Variants in CFAP77 observed in about 807,000 individuals in gnomAD.
The protein encoded by CFAP77 is cilia and flagella associated protein 77, also known as cilia- and flagella-associated protein 77.
In CFAP77, 25 loss-of-function variants were observed where a neutral mutation model predicts 31.1. The ratio of observed to expected loss-of-function variants is 0.80; its 90% CI spans 0.59 to 1.12. The LOEUF (loss-of-function observed/expected upper bound fraction) is 1.12, where lower values mean the gene tolerates loss of function less well. Among genes scored for constraint, CFAP77 ranks in the 50% most tolerant of loss-of-function variants. CFAP77 has a pLI of 0.00. For missense variants in CFAP77, 377 were observed against 397.3 expected (o/e 0.95, Z 0.44); for synonymous variants, 151 against 159.9 (o/e 0.94, Z 0.42).
At chr9:132,556,824 C>T (rs760778833) in intron 5 of CFAP77, among the ~76,000 whole-genome samples, 28 of 152,204 alleles carry the variant, frequency 1.8e-4, no homozygotes, top group Non-Finnish European at 3.8e-4. Flanking sequence ...CCGCTCCTGG[C>T]GCGCTAACGA....
chr9:132,482,859 G>A (rs1243787075), intron 1 of CFAP77, among the ~76,000 whole-genome samples: 2 of 148,872 alleles, frequency 1.3e-5, no homozygotes, highest in South Asian at 2.1e-4. Context: ...GCTAAATGAC[G>A]AGTTAATGGG....
intron 1 of CFAP77, among the ~76,000 whole-genome samples, chr9:132,447,717 C>T (rs1024687982): frequency 6.6e-6 from 1 of 152,176 alleles, no homozygotes; most frequent in African/African-American, 2.4e-5. Flanking sequence ...AGACACCTAG[C>T]GCAATGTATA....
intron 1 of CFAP77, among the ~76,000 whole-genome samples, chr9:132,476,884 G>A (rs532832798): frequency 6.6e-6 from 1 of 152,326 alleles, no homozygotes; most frequent in South Asian, 2.1e-4. Context: ...TTCCGGAGCG[G>A]TGAGATTTCT....
rs149730296 is a variant in CFAP77, at chr9:132,418,030, A to T, written c.195+7564A>T. 9.2e-5 allele frequency among the ~76,000 whole-genome samples: 14 copies of T among 152,300 alleles called. No homozygotes were observed. In the East Asian group the frequency reaches 2.7e-3, roughly 29 times the overall value. ...TTGAGGGTTCTTGGGCAAGTGGCTT[A>T]ATTTCTCAGCCTGGGTTTCCTTATT... On this transcript the variant is annotated intron_variant, in intron 1 of 5. Coordinates refer to ENST00000393216, the MANE Select transcript of CFAP77 (RefSeq NM_001282957.2).
chr9:132,525,113 G>A (rs1852335936), intron 3 of CFAP77, among the ~76,000 whole-genome samples: 1 of 147,970 alleles, frequency 6.8e-6, no homozygotes, highest in African/African-American at 2.5e-5. Flanking sequence ...TCCGCTTCCC[G>A]AGTTCAAGCG....
intron 1 of CFAP77, among the ~76,000 whole-genome samples, chr9:132,491,915 TTGA>T (rs1205393707): frequency 6.6e-6 from 1 of 152,232 alleles, no homozygotes; most frequent in Non-Finnish European, 1.5e-5. Context: ...CAAAAACATA[TTGA>T]TGATGTTGAG....
chr9:132,459,443 GTGTGTGTGTGTA>G (rs1219222754), intron 1 of CFAP77, among the ~76,000 whole-genome samples: 2 of 151,648 alleles, frequency 1.3e-5, no homozygotes, highest in Non-Finnish European at 2.9e-5. Context: ...GTGTGTGTGT[GTGTGTGTGTGTA>G]TGTGTGAGTG....
intron 1 of CFAP77, among the ~76,000 whole-genome samples, chr9:132,487,265 C>T (rs1189979620): frequency 6.6e-6 from 1 of 152,098 alleles, no homozygotes; most frequent in Non-Finnish European, 1.5e-5. Context: ...CAAGGTCACA[C>T]GGGAAGTGGC....
chr9:132,419,668 A>G (rs1477736884), intron 1 of CFAP77, among the ~76,000 whole-genome samples: 1 of 152,134 alleles, frequency 6.6e-6, no homozygotes, highest in Non-Finnish European at 1.5e-5. Context: ...GATCTTTAAG[A>G]GCCAAGATAT....
At position 132,499,877 on chromosome 9, in the gene CFAP77, C is replaced by T. The variant is rs73659063; in HGVS notation, c.524+277C>T. ...ATTGAGACCTGTCCCTGGGCCAGGC[C>T]CAGTGACTCATCTCTGTAATCCTAG... On this transcript the variant is annotated intron_variant, in intron 3 of 5. Transcript: ENST00000393216. The surrounding 1 kb of genome is among the most constrained non-coding windows in gnomAD (Gnocchi z 5.4). 9.3e-3 allele frequency among the ~76,000 whole-genome samples: 1,412 copies of T among 152,188 alleles called. 19 individuals are homozygous for T. The highest frequency in any genetic ancestry group is 0.032 in the African/African-American group (1,338 of 41,520).
chr9:132,549,984 C>T (rs1852798623), intron 5 of CFAP77, among the ~76,000 whole-genome samples: 1 of 152,234 alleles, frequency 6.6e-6, no homozygotes, highest in African/African-American at 2.4e-5. Context: ...AGCTGAAGTT[C>T]TGAGGCAGAG....
chr9:132,546,773 A>C (rs1307022000), intron 5 of CFAP77, among the ~76,000 whole-genome samples: 3 of 152,196 alleles, frequency 2.0e-5, no homozygotes, highest in Admixed American at 6.5e-5. Context: ...GGGGCCCAGA[A>C]GGGGGTTCTG....
Position 132,543,810 on chromosome 9 carries a change from C to T in CFAP77, c.732+763C>T, listed in dbSNP as rs936955931. On this transcript the variant is annotated intron_variant, in intron 5 of 5. Transcript: ENST00000393216. ...AACCGGTGTTCACTCAGCCTTGTAG[C>T]CCTGTAGCACCCAGACAGGGATTCA... is the stretch of plus-strand genomic sequence containing the variant. Among the ~76,000 whole-genome samples the T allele has an allele frequency of 1.1e-4, 16 of 152,168 alleles. 1 individual carries two copies. The highest frequency in any genetic ancestry group is 2.6e-4 in the Admixed American group (4 of 15,278).
At chr9:132,569,080 T>C (rs1324292172) in intron 5 of CFAP77, among the ~76,000 whole-genome samples, 1 of 152,208 alleles carries the variant, frequency 6.6e-6, no homozygotes, top group Non-Finnish European at 1.5e-5. Flanking sequence ...ACACATTAAA[T>C]ACAGGTTTTG....
At chr9:132,464,344 A>G (rs1806384371) in intron 1 of CFAP77, among the ~76,000 whole-genome samples, 1 of 151,932 alleles carries the variant, frequency 6.6e-6, no homozygotes, top group Non-Finnish European at 1.5e-5. Context: ...GGAGAGGTGA[A>G]ATTGCTCACC....
At position 132,498,641 on chromosome 9, in the gene CFAP77, C is replaced by A; in HGVS notation, c.196-54C>A. ...GCCTCCCTGCTGCCGGATTACAATA[C>A]ATTTGGTCTGAGACTCCACTCCTCA... On this transcript the variant is annotated intron_variant, in intron 1 of 5. Transcript: ENST00000393216. This position sits in a 1 kb window ranked among gnomAD's most constrained non-coding sequence, Gnocchi z 4.2. The A allele has an allele frequency of 7.4e-7, 1 of 1,350,252 alleles. No homozygotes were observed. The highest frequency in any genetic ancestry group is 1.0e-6 in the Non-Finnish European group (1 of 956,248). The allele number at this position is 1,350,252 out of a possible 1,614,324, so 83.6% of individuals were successfully genotyped here. A position where few individuals can be genotyped will look rare whatever the true frequency, so the allele number is the denominator to read the frequency against.
At chr9:132,465,073 CAAAAAA>C (rs773917029) in intron 1 of CFAP77, among the ~76,000 whole-genome samples, 2 of 82,866 alleles carry the variant, frequency 2.4e-5, no homozygotes, top group African/African-American at 8.1e-5. Context: ...GACTCTGTCT[CAAAAAA>C]AAAAAAAAAA....
intron 4 of CFAP77, among the ~76,000 whole-genome samples, chr9:132,542,397 G>A (rs1222819242): frequency 6.6e-6 from 1 of 152,222 alleles, no homozygotes; most frequent in Non-Finnish European, 1.5e-5. Flanking sequence ...AGTGGGCACA[G>A]GCACGCAGGT....
intron 4 of CFAP77, among the ~76,000 whole-genome samples, chr9:132,540,710 T>A (rs942694161): frequency 3.9e-5 from 6 of 152,192 alleles, no homozygotes; most frequent in African/African-American, 1.4e-4. Context: ...AATAGTGTGA[T>A]CTTTTGGTGA....
Sources: gnomAD v4.1 joint callset for allele counts (sites outside exome capture counted in the v4.1 genomes callset) on GRCh38, gnomAD v4.1.1 for gene constraint, Gnocchi (gnomAD v3.1) non-coding constraint, MANE v1.5 for transcripts, NCBI Gene and HGNC (gene_info 2026-07-23, HGNC 2026-07-21) for gene names.